Variants in NPIPB2 observed in about 807,000 individuals in gnomAD.
The protein encoded by NPIPB2 is nuclear pore complex-interacting protein family member B2.
Under a neutral mutation model 30.8 loss-of-function variants are expected in NPIPB2, and 27 were observed. That is an observed-to-expected ratio of 0.88 (90% CI 0.65 to 1.21). The LOEUF is 1.21. NPIPB2 is among the 50% of genes most tolerant of loss of function. NPIPB2 has a pLI of 0.00. For synonymous variants in NPIPB2, 147 were observed against 162.0 expected (o/e 0.91, Z 0.70); for missense variants, 440 against 446.2 (o/e 0.99, Z 0.13).
intron 1 of NPIPB2, chr16:11,941,173 G>A (rs146550817): frequency 0.061 from 86,982 of 1,423,350 alleles, 12,363 homozygotes; most frequent in African/African-American, 0.49. Context: ...ACTCACACAG[G>A]TGGACTGATG....
chr16:11,966,284 A>T, intron 1 of NPIPB2: 1 of 1,611,978 alleles, frequency 6.2e-7, no homozygotes, highest in Non-Finnish European at 8.5e-7. Context: ...TTTCGTGCTA[A>T]TGTTTTTGCT....
intron 1 of NPIPB2, chr16:11,941,211 G>C: frequency 6.5e-7 from 1 of 1,529,976 alleles, no homozygotes. Flanking sequence ...GGAGCCAAAA[G>C]AGGAGCCAAA....
At chr16:11,939,737 C>T (rs1021277136) in intron 1 of NPIPB2, among the ~76,000 whole-genome samples, 1 of 118,170 alleles carries the variant, frequency 8.5e-6, no homozygotes, top group Non-Finnish European at 1.8e-5. Flanking sequence ...ATCGATTCCT[C>T]AGGATTTAAC....
chr16:11,950,063 T>A (rs2055048940), intron 1 of NPIPB2, among the ~76,000 whole-genome samples: 1 of 152,066 alleles, frequency 6.6e-6, no homozygotes, highest in East Asian at 1.9e-4. Flanking sequence ...CGAGATGGAG[T>A]CTCGCTCTGT....
chr16:11,947,539 T>C (rs2055024221), intron 1 of NPIPB2, among the ~76,000 whole-genome samples: 1 of 151,062 alleles, frequency 6.6e-6, no homozygotes, highest in Non-Finnish European at 1.5e-5. Context: ...AGAGACGGGG[T>C]TTCACCGTAT....
intron 1 of NPIPB2, among the ~76,000 whole-genome samples, chr16:11,951,332 C>T (rs1470147376): frequency 1.3e-5 from 2 of 150,460 alleles, no homozygotes; most frequent in East Asian, 1.9e-4. Context: ...GGCATAGTGG[C>T]GGGCACCTGT....
At chr16:11,937,355 A>G (rs2054881658) in intron 2 of NPIPB2, among the ~76,000 whole-genome samples, 185 bp downstream of exon 2, 1 of 152,216 alleles carries the variant, frequency 6.6e-6, no homozygotes, top group Non-Finnish European at 1.5e-5. Context: ...ACAAACACTG[A>G]CCTATTTAAT....
At chr16:11,953,886 G>T (rs365423) in intron 1 of NPIPB2, among the ~76,000 whole-genome samples, 114,249 of 151,354 alleles carry the variant, frequency 0.75, 47,298 homozygotes, top group South Asian at 0.94. Flanking sequence ...ACGTTGGCCA[G>T]GCTAGTCTCC....
At chr16:11,951,283 C>T (rs1207914709) in intron 1 of NPIPB2, among the ~76,000 whole-genome samples, 4 of 150,496 alleles carry the variant, frequency 2.7e-5, no homozygotes, top group Non-Finnish European at 4.4e-5. Flanking sequence ...GGTGAAACCC[C>T]GTCTCTACTA....
intron 1 of NPIPB2, among the ~76,000 whole-genome samples, chr16:11,973,946 T>A (rs1417530637): frequency 6.6e-6 from 1 of 152,198 alleles, no homozygotes; most frequent in Non-Finnish European, 1.5e-5. Context: ...TGTAAACAGT[T>A]CTCTTTGGAA....
chr16:11,971,077 G>A (rs936131186), intron 1 of NPIPB2, among the ~76,000 whole-genome samples: 1 of 145,084 alleles, frequency 6.9e-6, no homozygotes, highest in Non-Finnish European at 1.5e-5. Flanking sequence ...GGCTGGTCTT[G>A]AACTCCTGGG....
intron 1 of NPIPB2, chr16:11,967,428 TG>T: frequency 1.2e-6 from 1 of 820,078 alleles, no homozygotes; most frequent in Non-Finnish European, 1.9e-6. Flanking sequence ...GAATGCAGCC[TG>T]GGCAACACAG....
At chr16:11,964,771 C>A (rs777749495) in intron 1 of NPIPB2, among the ~76,000 whole-genome samples, 13 of 152,138 alleles carry the variant, frequency 8.5e-5, no homozygotes, top group Non-Finnish European at 1.8e-4. Flanking sequence ...CCATGTTGCC[C>A]AGGCTGATTT....
intron 1 of NPIPB2, among the ~76,000 whole-genome samples, chr16:11,952,447 C>T (rs2055076081): frequency 6.6e-6 from 1 of 152,092 alleles, no homozygotes; most frequent in African/African-American, 2.4e-5. Context: ...ATGAAAGAAT[C>T]TGTTGTCATG....
At chr16:11,949,935 T>C (rs1246149136) in intron 1 of NPIPB2, among the ~76,000 whole-genome samples, 3 of 152,252 alleles carry the variant, frequency 2.0e-5, no homozygotes, top group Admixed American at 1.3e-4. Flanking sequence ...CCAACACTTG[T>C]GCCCCCGACT....
chr16:11,975,316 T>G (rs2055274664), intron 1 of NPIPB2, among the ~76,000 whole-genome samples: 1 of 138,474 alleles, frequency 7.2e-6, no homozygotes, highest in South Asian at 2.5e-4. Flanking sequence ...CCCGGCTAAT[T>G]TTTTGTATTT....
chr16:11,969,030 C>A (rs1298468983), intron 1 of NPIPB2, among the ~76,000 whole-genome samples: 4 of 151,796 alleles, frequency 2.6e-5, no homozygotes, highest in African/African-American at 9.7e-5. Context: ...CCATGCCCTG[C>A]TGATTTTTGT....
intron 1 of NPIPB2, among the ~76,000 whole-genome samples, chr16:11,974,410 G>A (rs752544337): frequency 3.3e-5 from 5 of 152,114 alleles, no homozygotes; most frequent in Non-Finnish European, 7.3e-5. Context: ...CTACCTACTC[G>A]GGAGGCTGAG....
chr16:11,959,974 CT>C (rs1362482054), intron 1 of NPIPB2, among the ~76,000 whole-genome samples: 1 of 152,160 alleles, frequency 6.6e-6, no homozygotes, highest in Non-Finnish European at 1.5e-5. Flanking sequence ...TAGGGTTTCC[CT>C]GTGTTGCCCA....
Sources: allele counts gnomAD v4.1 joint callset (sites outside exome capture counted in the v4.1 genomes callset), GRCh38; gene constraint gnomAD v4.1.1; transcripts MANE v1.5; gene names NCBI Gene and HGNC (gene_info 2026-07-23, HGNC 2026-07-21).